DLEU7: variants seen among roughly 807,000 people sequenced by gnomAD.
DLEU7 encodes the protein deleted in lymphocytic leukemia 7, also known as leukemia-associated protein 7.
DLEU7 carries 17 observed loss-of-function variants against 16.0 expected under a neutral mutation model. The observed-to-expected ratio is 1.06, with a 90% CI of 0.73 to 1.59. DLEU7 has a LOEUF of 1.59. Ranked by LOEUF, DLEU7 falls within the 40% of genes most tolerant of loss-of-function variation. DLEU7 has a pLI of 0.00. For synonymous variants in DLEU7, 113 were observed against 139.8 expected, an observed-to-expected ratio of 0.81 and a Z score of 1.35; for missense variants, 308 against 314.9, an observed-to-expected ratio of 0.98 and a Z score of 0.17.
chr13:50,756,935 T>G (rs1203612131), intron 1 of DLEU7, among the ~76,000 whole-genome samples: 1 of 152,138 alleles, frequency 6.6e-6, no homozygotes, highest in Non-Finnish European at 1.5e-5. Flanking sequence ...CTCTCTAAAT[T>G]GGCTGAGCTC....
chr13:50,815,433 A>C (rs1876703042), intron 1 of DLEU7, among the ~76,000 whole-genome samples: 1 of 152,290 alleles, frequency 6.6e-6, no homozygotes, highest in South Asian at 2.1e-4. Flanking sequence ...TGATACAAAA[A>C]ATTACACACA....
chr13:50,843,654 G>C lies in DLEU7; in HGVS notation c.-8C>G, dbSNP rs868180599. 6.7e-6 allele frequency: 10 copies of C among 1,502,788 alleles called. No individual in the cohort carries two copies. The highest frequency in any genetic ancestry group is 8.8e-6 in the Non-Finnish European group (10 of 1,132,940). The allele number at this position is 1,502,788 out of a possible 1,614,324, so 93.1% of individuals were successfully genotyped here. A position where few individuals can be genotyped will look rare whatever the true frequency, so the allele number is the denominator to read the frequency against. ...GGGCGCAGGGCTGGCCATCGCCTCC[G>C]CTGGCGGCCCGGCGCGCTCCGCGTG... is the stretch of plus-strand genomic sequence containing the variant. On this transcript the variant is annotated 5_prime_UTR_variant, in exon 1 of 2. Coordinates refer to ENST00000504404, the MANE Select transcript of DLEU7 (RefSeq NM_001306135.2). This position sits in a 1 kb window ranked among gnomAD's most constrained non-coding sequence, Gnocchi z 5.7.
At chr13:50,770,558 A>G (rs1875268761) in intron 1 of DLEU7, among the ~76,000 whole-genome samples, 1 of 152,142 alleles carries the variant, frequency 6.6e-6, no homozygotes, top group South Asian at 2.1e-4. Context: ...GGTTCTATTT[A>G]TGTCATAGAT....
intron 1 of DLEU7, among the ~76,000 whole-genome samples, chr13:50,763,730 T>A (rs1875013521): frequency 6.6e-6 from 1 of 152,226 alleles, no homozygotes; most frequent in African/African-American, 2.4e-5. Flanking sequence ...CCCTGCAGGC[T>A]TCCCAGTGAC....
chr13:50,843,774 G>A (rs566478487), upstream of DLEU7: 8 of 1,293,362 alleles, frequency 6.2e-6, no homozygotes, highest in East Asian at 3.1e-5. This position sits in a 1 kb window ranked among gnomAD's most constrained non-coding sequence, Gnocchi z 5.7. Context: ...CTCACAGCGT[G>A]TGTGGTCGGC....
At chr13:50,783,206 A>G (rs1396372259) in intron 1 of DLEU7, among the ~76,000 whole-genome samples, 1 of 152,150 alleles carries the variant, frequency 6.6e-6, no homozygotes, top group Non-Finnish European at 1.5e-5. Flanking sequence ...CAAATCACTC[A>G]TTTAACAAAT....
In DLEU7 at chr13:50,747,017, A is replaced by G. The variant is rs538001884; in HGVS notation, c.460-33777T>C. 3.9e-5 allele frequency among the ~76,000 whole-genome samples: 6 copies of G among 152,300 alleles called. No homozygotes were observed. The South Asian group carries it at 1.2e-3, about 32-fold the overall frequency. ...ATCTTTGTGAAAAATAAACCCTAAA[A>G]TTACCCACAGACATAAATTTTCGTG... On this transcript the variant is annotated intron_variant, in intron 1 of 1. Coordinates refer to the DLEU7 transcript ENST00000400393.
At chr13:50,770,847 C>A (rs1380433375) in intron 1 of DLEU7, among the ~76,000 whole-genome samples, 1 of 152,170 alleles carries the variant, frequency 6.6e-6, no homozygotes, top group Non-Finnish European at 1.5e-5. Flanking sequence ...GGAATGGTAC[C>A]AGCTCCTCTT....
At chr13:50,756,797 T>A (rs1874772533) in intron 1 of DLEU7, among the ~76,000 whole-genome samples, 1 of 152,180 alleles carries the variant, frequency 6.6e-6, no homozygotes, top group Non-Finnish European at 1.5e-5. Context: ...CCTGTGGTGT[T>A]TTCCCCCATA....
chr13:50,817,150 A>G (rs964775215), intron 1 of DLEU7, among the ~76,000 whole-genome samples: 2 of 152,164 alleles, frequency 1.3e-5, no homozygotes, highest in Non-Finnish European at 2.9e-5. Flanking sequence ...AGCCGTGATT[A>G]TTATCAAAGT....
intron 1 of DLEU7, among the ~76,000 whole-genome samples, chr13:50,770,720 G>C (rs1357730696): frequency 2.6e-5 from 4 of 152,106 alleles, no homozygotes; most frequent in Non-Finnish European, 5.9e-5. Flanking sequence ...CAGGGATATT[G>C]GTCTAAAATT....
At chr13:50,836,345 AAGGAGAGG>A (rs1566269585) in intron 1 of DLEU7, among the ~76,000 whole-genome samples, 1 of 150,784 alleles carries the variant, frequency 6.6e-6, no homozygotes, top group African/African-American at 2.5e-5. Flanking sequence ...GAAGAAAGAG[AAGGAGAGG>A]AGGAGAAGAA....
intron 1 of DLEU7, among the ~76,000 whole-genome samples, chr13:50,760,647 C>A (rs9568469): frequency 0.046 from 6,973 of 152,312 alleles, 373 homozygotes; most frequent in East Asian, 0.21. Flanking sequence ...CAGGCGTGAG[C>A]CACTGTGCCT....
intron 1 of DLEU7, among the ~76,000 whole-genome samples, chr13:50,735,074 A>T (rs1384071911): frequency 6.6e-6 from 1 of 152,194 alleles, no homozygotes; most frequent in Non-Finnish European, 1.5e-5. Flanking sequence ...TTTCATAATG[A>T]TAAAATACCC....
downstream of DLEU7, among the ~76,000 whole-genome samples, chr13:50,820,481 A>G (rs1290369963): frequency 1.3e-5 from 2 of 152,146 alleles, no homozygotes; most frequent in African/African-American, 4.8e-5. Flanking sequence ...GCACAGGAGC[A>G]GGGCAGCCCT....
chr13:50,776,431 G>T lies in DLEU7; in HGVS notation c.460-63191C>A, dbSNP rs569788560. ...CTTTGTGAGCTCTTTTCCAACCACAGTCAGGGCTAAAATAGCTAATTCCCT... is the reference window on the plus strand; with the variant it reads ...CTTTGTGAGCTCTTTTCCAACCACATTCAGGGCTAAAATAGCTAATTCCCT... On this transcript the variant is annotated intron_variant, in intron 1 of 1. Transcript: ENST00000400393. 7.4e-4 allele frequency among the ~76,000 whole-genome samples: 113 copies of T among 152,334 alleles called. 1 individual carries two copies. Among genetic ancestry groups the T allele is most frequent in the African/African-American group, 2.6e-3 (109 of 41,580 alleles).
chr13:50,797,481 T>C (rs1197048661), intron 1 of DLEU7, among the ~76,000 whole-genome samples: 1 of 152,216 alleles, frequency 6.6e-6, no homozygotes, highest in Non-Finnish European at 1.5e-5. Context: ...TACAAGCCCT[T>C]ACATTTTAAA....
At chr13:50,836,408 C>T (rs1267245872) in intron 1 of DLEU7, among the ~76,000 whole-genome samples, 1 of 152,154 alleles carries the variant, frequency 6.6e-6, no homozygotes, top group Non-Finnish European at 1.5e-5. Flanking sequence ...GGCATGGTGG[C>T]TCATCCCTGT....
intron 1 of DLEU7, among the ~76,000 whole-genome samples, chr13:50,766,057 T>C (rs1190424357): frequency 6.6e-6 from 1 of 152,160 alleles, no homozygotes; most frequent in Non-Finnish European, 1.5e-5. Flanking sequence ...AAAGGATGCG[T>C]GTAGCTTTGC....
Sources: gnomAD v4.1 joint callset for allele counts (sites outside exome capture counted in the v4.1 genomes callset) on GRCh38, gnomAD v4.1.1 for gene constraint, Gnocchi (gnomAD v3.1) non-coding constraint, MANE v1.5 for transcripts, NCBI Gene and HGNC (gene_info 2026-07-23, HGNC 2026-07-21) for gene names.